SMARCC1: variants seen among roughly 807,000 people sequenced by gnomAD.
SMARCC1 encodes the protein SWI/SNF complex subunit SMARCC1.
A neutral mutation model predicts 147.4 loss-of-function variants in SMARCC1; 43 were observed. The observed-to-expected ratio is 0.29, with a 90% CI of 0.23 to 0.38. The LOEUF is 0.38. Ranked by LOEUF, SMARCC1 falls within the 10% of genes least tolerant of loss-of-function variation. The pLI is 1.00. For missense variants in SMARCC1, 1,119 were observed against 1,381.1 expected, an observed-to-expected ratio of 0.81 and a Z score of 3.01; for synonymous variants, 495 against 484.4, an observed-to-expected ratio of 1.02 and a Z score of -0.29.
chr3:47,608,849 TAAAAAAAAAA>T (rs35698988), intron 26 of SMARCC1, among the ~76,000 whole-genome samples: 22 of 86,864 alleles, frequency 2.5e-4, no homozygotes, highest in African/African-American at 9.8e-4. Context: ...ACAGTGTCTT[TAAAAAAAAAA>T]AAAAAAAAAA....
intron 22 of SMARCC1, among the ~76,000 whole-genome samples, chr3:47,636,842 A>G (rs2032977465): frequency 6.8e-6 from 1 of 147,000 alleles, no homozygotes; most frequent in South Asian, 2.1e-4. Context: ...GTGTGTACTT[A>G]ATAATTACTG....
At chr3:47,598,050 C>G (rs528907378) in intron 26 of SMARCC1, among the ~76,000 whole-genome samples, 42 of 152,312 alleles carry the variant, frequency 2.8e-4, no homozygotes, top group Admixed American at 5.2e-4. Context: ...TCTCCACAAA[C>G]TGCCAAAGAG....
chr3:47,640,235 G>A lies in SMARCC1; in HGVS notation c.2321-1455C>T, dbSNP rs114651895. ...AAAAAGAAAACAATATAGAAAGTAG[G>A]GATGGAAAAAAAGAAAATAGAAAAA... is the stretch of plus-strand genomic sequence containing the variant. On this transcript the variant is annotated intron_variant, in intron 21 of 27. Transcript: ENST00000254480. Among the ~76,000 whole-genome samples, 669 of 150,890 alleles carry A rather than the reference G, an allele frequency of 4.4e-3. 5 individuals carry two copies. The highest frequency in any genetic ancestry group is 0.032 in the South Asian group (154 of 4,794).
intron 14 of SMARCC1, among the ~76,000 whole-genome samples, chr3:47,684,157 G>A (rs1402560133): frequency 3.7e-3 from 490 of 131,368 alleles, no homozygotes; most frequent in African/African-American, 6.9e-3. Context: ...GGAGAATGGC[G>A]TGAACCCGGG....
At chr3:47,723,417 G>A (rs1379718510) in intron 6 of SMARCC1, among the ~76,000 whole-genome samples, 1 of 132,400 alleles carries the variant, frequency 7.6e-6, no homozygotes, top group Non-Finnish European at 1.5e-5. Flanking sequence ...CTGGAGTGCA[G>A]TGGCACGATC....
chr3:47,700,020 T>C (rs1455328336), intron 11 of SMARCC1, among the ~76,000 whole-genome samples: 3 of 152,070 alleles, frequency 2.0e-5, no homozygotes, highest in Admixed American at 2.0e-4. Flanking sequence ...TCTTCTACTT[T>C]TTCATTATTT....
intron 10 of SMARCC1, among the ~76,000 whole-genome samples, chr3:47,703,610 A>G (rs113861090): frequency 1.2e-4 from 18 of 152,212 alleles, no homozygotes; most frequent in Non-Finnish European, 1.5e-5. Flanking sequence ...ACTGGGTAGC[A>G]ATCTAAACTG....
chr3:47,728,933 T>C, intron 6 of SMARCC1, 92 bp downstream of exon 6: 1 of 737,306 alleles, frequency 1.4e-6, no homozygotes. Flanking sequence ...AATAAAAAGC[T>C]GGTTATTCTG....
intron 21 of SMARCC1, among the ~76,000 whole-genome samples, chr3:47,650,301 T>TAATAATAATAATA (rs56812175): frequency 7.7e-5 from 10 of 129,462 alleles, no homozygotes; most frequent in African/African-American, 2.2e-4. Context: ...TAATAATAAT[T>TAATAATAATAATA]ATTATTATTA....
intron 17 of SMARCC1, among the ~76,000 whole-genome samples, chr3:47,676,227 T>C (rs1328377497): frequency 6.6e-6 from 1 of 152,212 alleles, no homozygotes; most frequent in Non-Finnish European, 1.5e-5. Context: ...TATATGGATA[T>C]ACACTTTACA....
In SMARCC1 at chr3:47,602,248, C is replaced by T. The variant is rs1227738070; in HGVS notation, c.3043+7818G>A. Among the ~76,000 whole-genome samples the T allele has an allele frequency of 2.0e-5, 3 of 152,086 alleles. No homozygotes were observed. The East Asian group carries it at 5.8e-4, about 30-fold the overall frequency. On this transcript the variant is annotated intron_variant, in intron 26 of 27. Transcript: ENST00000254480. ...TCGAGGCTGCAGTGGGCCATGACTG[C>T]ACCACTGTACTCCAGGCTGGGCGAC...
At chr3:47,761,943 G>T (rs1241198797) in intron 2 of SMARCC1, among the ~76,000 whole-genome samples, 1 of 152,026 alleles carries the variant, frequency 6.6e-6, no homozygotes, top group Non-Finnish European at 1.5e-5. Context: ...TGAATAGCTG[G>T]GATTTTTTTT....
At chr3:47,719,681 C>T (rs1048741871) in intron 7 of SMARCC1, among the ~76,000 whole-genome samples, 11 of 151,766 alleles carry the variant, frequency 7.2e-5, no homozygotes, top group African/African-American at 1.2e-4. Flanking sequence ...CCAGCCTGGG[C>T]GACAAAGCGG....
intron 26 of SMARCC1, among the ~76,000 whole-genome samples, chr3:47,595,298 C>T (rs372803496): frequency 6.6e-6 from 1 of 152,064 alleles, no homozygotes; most frequent in Non-Finnish European, 1.5e-5. Context: ...GAGGCCGAGG[C>T]GAGATCACCT....
intron 3 of SMARCC1, 42 bp from the exon 4 acceptor site, chr3:47,738,152 T>A: frequency 7.4e-7 from 1 of 1,350,042 alleles, no homozygotes; most frequent in Non-Finnish European, 1.0e-6. Flanking sequence ...TCTCCCAGCT[T>A]AAACACAAAT....
intron 10 of SMARCC1, among the ~76,000 whole-genome samples, chr3:47,702,851 GCCTC>G (rs2106789166): frequency 1.3e-5 from 2 of 152,050 alleles, no homozygotes; most frequent in African/African-American, 4.8e-5. Flanking sequence ...TCCTACCTTG[GCCTC>G]CCAAAGTGCT....
At chr3:47,610,889 C>T (rs1163566494) in intron 25 of SMARCC1, 1 of 152,984 alleles carries the variant, frequency 6.5e-6, no homozygotes, top group Non-Finnish European at 1.5e-5. Context: ...CTATGTGGAA[C>T]TTTGGCAGTG....
At chr3:47,725,759 G>A (rs1238668161) in intron 6 of SMARCC1, among the ~76,000 whole-genome samples, 1 of 151,856 alleles carries the variant, frequency 6.6e-6, no homozygotes, top group Non-Finnish European at 1.5e-5. Context: ...GCCCAACTGT[G>A]CATTTTAAAA....
intron 10 of SMARCC1, among the ~76,000 whole-genome samples, chr3:47,705,092 G>A (rs1033670962): frequency 6.6e-6 from 1 of 151,856 alleles, no homozygotes; most frequent in Non-Finnish European, 1.5e-5. Flanking sequence ...GGGAGGCCGA[G>A]GCAGGTGGAT....
Sources: allele counts gnomAD v4.1 joint callset (sites outside exome capture counted in the v4.1 genomes callset), GRCh38; gene constraint gnomAD v4.1.1; transcripts MANE v1.5; gene names NCBI Gene and HGNC (gene_info 2026-07-23, HGNC 2026-07-21).